The following DMTN variants were observed in gnomAD, a reference collection of about 807,000 sequenced individuals.
The protein encoded by DMTN is dematin actin binding protein.
A neutral mutation model predicts 59.4 loss-of-function variants in DMTN; 27 were observed. The ratio of observed to expected loss-of-function variants is 0.45; its 90% CI spans 0.33 to 0.63. The LOEUF (loss-of-function observed/expected upper bound fraction) is 0.63, where lower values mean the gene tolerates loss of function less well. Ranked by LOEUF, DMTN falls within the 20% of genes least tolerant of loss-of-function variation. The pLI is 0.02. For synonymous variants in DMTN, 221 were observed against 203.7 expected, an observed-to-expected ratio of 1.08 and a Z score of -0.72; for missense variants, 451 against 528.9, an observed-to-expected ratio of 0.85 and a Z score of 1.45.
In DMTN at chr8:22,068,657, G is replaced by A. The variant is rs537365944; in HGVS notation, c.250-359G>A. On this transcript the variant is annotated intron_variant, in intron 4 of 15. Coordinates refer to ENST00000358242, the MANE Select transcript of DMTN (RefSeq NM_001387751.1). Reference sequence around the variant, plus strand: ...AGGAAGGAAAGAGGGAAGGAAGGGAGGAAGGCAGGGAAAGAAAGAAAAAGG... The same window carrying A: ...AGGAAGGAAAGAGGGAAGGAAGGGAAGAAGGCAGGGAAAGAAAGAAAAAGG... 2.7e-5 allele frequency among the ~76,000 whole-genome samples: 4 copies of A among 150,844 alleles called. No individual in the cohort carries two copies. In the East Asian group the frequency reaches 5.9e-4, roughly 22 times the overall value.
intron 8 of DMTN, 53 bp from the exon 9 acceptor site, chr8:22,072,273 A>G: frequency 1.3e-6 from 2 of 1,555,542 alleles, no homozygotes; most frequent in South Asian, 2.3e-5. Flanking sequence ...ATGTAAACAC[A>G]CACTGACCCC....
chr8:22,062,139 G>A (rs1339686175), intron 1 of DMTN, among the ~76,000 whole-genome samples: 2 of 151,868 alleles, frequency 1.3e-5, no homozygotes, highest in African/African-American at 2.4e-5. Flanking sequence ...TTTCCAGGGA[G>A]TGCAGCAGTG....
chr8:22,064,693 T>C (rs949757820), intron 1 of DMTN, among the ~76,000 whole-genome samples: 4 of 152,188 alleles, frequency 2.6e-5, no homozygotes, highest in Non-Finnish European at 4.4e-5. Context: ...CTCCTGACCT[T>C]GTGATCTGCC....
intron 1 of DMTN, among the ~76,000 whole-genome samples, chr8:22,061,005 C>A (rs377053588): frequency 1.2e-4 from 19 of 152,046 alleles, no homozygotes; most frequent in African/African-American, 1.4e-4. Flanking sequence ...TGGGCAGGGG[C>A]TCACACCTAT....
At chr8:22,069,299 G>T (rs1014698090) in intron 5 of DMTN, 120 bp from the exon 6 acceptor site, 4 of 959,346 alleles carry the variant, frequency 4.2e-6, no homozygotes, top group Non-Finnish European at 6.2e-6. Context: ...CATTGCCCTG[G>T]GTTTGGAGGG....
At chr8:22,075,298 C>CCCT (rs145121822) in intron 10 of DMTN, among the ~76,000 whole-genome samples, 1 of 150,438 alleles carries the variant, frequency 6.6e-6, no homozygotes, top group Non-Finnish European at 1.5e-5. Flanking sequence ...GGGAGCTAGA[C>CCCT]CCTCCTCCTC....
upstream of DMTN, among the ~76,000 whole-genome samples, chr8:22,050,255 C>G (rs1801206014): frequency 6.6e-6 from 1 of 151,602 alleles, no homozygotes; most frequent in Non-Finnish European, 1.5e-5. Context: ...TACTTGAGGA[C>G]AAAGGGTTGG....
chr8:22,070,710 A>G (rs957554753), intron 8 of DMTN, among the ~76,000 whole-genome samples: 1 of 152,178 alleles, frequency 6.6e-6, no homozygotes, highest in African/African-American at 2.4e-5. Context: ...TTTATGGGGT[A>G]CAGGTGTAAT....
At position 22,067,583 on chromosome 8, in the gene DMTN, C is replaced by G; in HGVS notation, c.150C>G (p.Asp50Glu). Residue 50 changes from aspartate (D) to glutamate (E), a missense_variant, in exon 4 of 16, where the codon GAC (aspartate) becomes GAG (glutamate). Transcript: ENST00000358242. ...GYKDLAAIPK[D>E]KAILDIERPD... The stretch of plus-strand genomic sequence containing the variant: ...AGGACCTGGCTGCCATCCCCAAGGA[C>G]AAGGCCATCCTGGACATCGAGCGGC... 6.2e-7 allele frequency: 1 copy of G among 1,614,222 alleles called. No individual in the cohort carries two copies. The highest frequency in any genetic ancestry group is 1.3e-5 in the African/African-American group (1 of 75,064).
At chr8:22,069,754 C>A in intron 6 of DMTN, 127 bp from the exon 7 acceptor site, 2 of 1,149,782 alleles carry the variant, frequency 1.7e-6, no homozygotes, top group South Asian at 1.3e-5. Context: ...GAATGCCAGC[C>A]CTGTCTTGGC....
At chr8:22,070,035 G>A (rs891363045) in intron 7 of DMTN, 98 bp downstream of exon 7, 4 of 1,564,282 alleles carry the variant, frequency 2.6e-6, no homozygotes, top group Non-Finnish European at 3.5e-6. Flanking sequence ...CGGGAGGATA[G>A]CATGTCACAG....
intron 10 of DMTN, among the ~76,000 whole-genome samples, chr8:22,074,156 C>T (rs917644635): frequency 6.6e-6 from 1 of 152,126 alleles, no homozygotes; most frequent in East Asian, 1.9e-4. Flanking sequence ...TGTCATGGAA[C>T]GTGGGATTTC....
rs143269534 is a variant in DMTN, at chr8:22,073,630, CAAAAAAAAAA to C, written c.730-87_730-78del. 905 of 607,748 alleles carry C rather than the reference CAAAAAAAAAA, an allele frequency of 1.5e-3. 7 individuals carry two copies. Among genetic ancestry groups the C allele is most frequent in the African/African-American group, 0.013 (475 of 36,792 alleles). 37.6% of individuals were successfully genotyped at this position (607,748 alleles called of 1,614,324 possible). A position where few individuals can be genotyped will look rare whatever the true frequency, so the allele number is the denominator to read the frequency against. On this transcript the variant is annotated intron_variant, in intron 9 of 15. Transcript: ENST00000358242. Reference sequence around the variant, plus strand: ...TGGGTGACAGAGTGAGACCCTGTCTCAAAAAAAAAAAAAAAAAAAAAAGAAAGAAAAAAAA... The same window carrying C: ...TGGGTGACAGAGTGAGACCCTGTCTCAAAAAAAAAAAAGAAAGAAAAAAAA...
At chr8:22,055,382 G>A (rs945672343), upstream of DMTN, 3 of 152,372 alleles carry the variant, frequency 2.0e-5, no homozygotes. Flanking sequence ...GATCATCTAG[G>A]GCTGGAGTGG....
Position 22,081,093 on chromosome 8 carries a change from G to GGGGCTCC in DMTN, c.1024-20_1024-19insGGGCTCC. On this transcript the variant is annotated intron_variant, in intron 14 of 15. Transcript: ENST00000358242. ...CAGGATATTCTGTGAGCCTAAGATT[G>GGGGCTCC]CCCCTCCCCCCACCCCCAGATCTAT... 2 of 1,572,878 alleles carry GGGGCTCC rather than the reference G, an allele frequency of 1.3e-6. No homozygotes were observed. The highest frequency in any genetic ancestry group is 1.7e-6 in the Non-Finnish European group (2 of 1,144,782).
At position 22,081,358 on chromosome 8, in the gene DMTN, G is replaced by C; in HGVS notation, c.1113G>C (p.Leu371=). The change falls in exon 16 of 16, where the codon CTG becomes CTC. Residue 371 remains leucine, a synonymous_variant. Transcript: ENST00000358242. ...CCGATTCCCCCATGTAGAGGCATCTGTCTGCCGAGGACTTCTCAAGGGTAT... is the reference window on the plus strand; with the variant it reads ...CCGATTCCCCCATGTAGAGGCATCTCTCTGCCGAGGACTTCTCAAGGGTAT... ...GVDRMRLERH[L]SAEDFSRVFA... 3 of 1,614,040 alleles carry C rather than the reference G, an allele frequency of 1.9e-6. No individual in the cohort carries two copies. The highest frequency in any genetic ancestry group is 2.5e-6 in the Non-Finnish European group (3 of 1,179,944).
chr8:22,075,185 T>A (rs907380716), intron 10 of DMTN, among the ~76,000 whole-genome samples: 7,741 of 36,854 alleles, frequency 0.21, 577 homozygotes, highest in African/African-American at 0.34. Context: ...AGACTCTGTC[T>A]CAAAAAAAAA....
At chr8:22,077,528 TA>T (rs1473936368) in intron 10 of DMTN, among the ~76,000 whole-genome samples, 1 of 152,124 alleles carries the variant, frequency 6.6e-6, no homozygotes, top group African/African-American at 2.4e-5. Flanking sequence ...GAATGTGGAA[TA>T]AAGAGTTAAG....
At chr8:22,072,067 A>T (rs952604025) in intron 8 of DMTN, among the ~76,000 whole-genome samples, 4 of 151,838 alleles carry the variant, frequency 2.6e-5, no homozygotes, top group Non-Finnish European at 4.4e-5. Context: ...CTAATTTTTT[A>T]AAATAATTTT....
Sources: gnomAD v4.1 joint callset for allele counts (sites outside exome capture counted in the v4.1 genomes callset) on GRCh38, gnomAD v4.1.1 for gene constraint, MANE v1.5 for transcripts, NCBI Gene and HGNC (gene_info 2026-07-23, HGNC 2026-07-21) for gene names.